The following RAP1GDS1 variants were observed in gnomAD, a reference collection of about 807,000 sequenced individuals.
The protein encoded by RAP1GDS1 is Rap1 GTPase-GDP dissociation stimulator 1, also known as RAP1, GTP-GDP dissociation stimulator 1.
RAP1GDS1 carries 35 observed loss-of-function variants against 71.1 expected under a neutral mutation model. The observed-to-expected ratio is 0.49, with a 90% CI of 0.38 to 0.65. The LOEUF is 0.65. Among genes scored for constraint, RAP1GDS1 ranks in the 30% least tolerant of loss-of-function variants. RAP1GDS1 has a pLI of 0.00. For missense variants in RAP1GDS1, 663 were observed against 706.1 expected (o/e 0.94, Z 0.69); for synonymous variants, 229 against 243.1 (o/e 0.94, Z 0.54).
chr4:98,441,796 G>T, intron 14 of RAP1GDS1, 194 bp from the exon 15 acceptor site: 1 of 562,858 alleles, frequency 1.8e-6, no homozygotes, highest in Admixed American at 6.3e-5. Flanking sequence ...TTAAAAAAAA[G>T]TAAAGTTTTT....
At chr4:98,306,332 G>A (rs576094368) in intron 2 of RAP1GDS1, among the ~76,000 whole-genome samples, 1 of 152,290 alleles carries the variant, frequency 6.6e-6, no homozygotes, top group South Asian at 2.1e-4. Flanking sequence ...CTCATTGATG[G>A]TACCTTTTTG....
chr4:98,289,554 C>A (rs796995031), intron 1 of RAP1GDS1, among the ~76,000 whole-genome samples: 6,832 of 101,964 alleles, frequency 0.067, 1 homozygote, highest in Non-Finnish European at 0.082. Flanking sequence ...CTCTGGTAAA[C>A]AAAAAAAAAA....
At chr4:98,297,020 T>C (rs539875626) in intron 2 of RAP1GDS1, 28 of 163,588 alleles carry the variant, frequency 1.7e-4, no homozygotes, top group African/African-American at 4.7e-4. Flanking sequence ...CTCGTTCTCT[T>C]TTTTTTTTTT....
Position 98,442,581 on chromosome 4 carries a change from T to A in RAP1GDS1, c.*464T>A. ...AAGCACAGTGACCAAAAAAGTTGTATGGCTGCTTATTCATTAGTCTTTCCT... is the reference window on the plus strand; with the variant it reads ...AAGCACAGTGACCAAAAAAGTTGTAAGGCTGCTTATTCATTAGTCTTTCCT... On this transcript the variant is annotated 3_prime_UTR_variant, in exon 15 of 15. Transcript: ENST00000408927. 1 of 228,232 alleles carries A rather than the reference T, an allele frequency of 4.4e-6. No homozygotes were observed. Among genetic ancestry groups the A allele is most frequent in the Admixed American group, 5.7e-5 (1 of 17,630 alleles). The allele number at this position is 228,232 out of a possible 1,614,324, so 14.1% of individuals were successfully genotyped here.
chr4:98,430,949 C>CTAA (rs1750308607), intron 12 of RAP1GDS1, among the ~76,000 whole-genome samples: 1 of 152,208 alleles, frequency 6.6e-6, no homozygotes. Context: ...TGTGCTGATG[C>CTAA]TCTTAGGTAA....
chr4:98,370,122 CTG>C (rs1390351190), intron 4 of RAP1GDS1, among the ~76,000 whole-genome samples: 2 of 152,100 alleles, frequency 1.3e-5, no homozygotes, highest in Non-Finnish European at 2.9e-5. Context: ...CCAAGTAAAA[CTG>C]TGAATTATCT....
intron 2 of RAP1GDS1, among the ~76,000 whole-genome samples, chr4:98,320,760 A>C (rs1348362394): frequency 2.0e-5 from 3 of 150,430 alleles, no homozygotes; most frequent in Non-Finnish European, 4.4e-5. Context: ...CCACACCAAA[A>C]ACCCATCTGT....
intron 1 of RAP1GDS1, among the ~76,000 whole-genome samples, chr4:98,285,703 T>C (rs529162218): frequency 1.3e-5 from 2 of 151,184 alleles, no homozygotes; most frequent in Admixed American, 1.3e-4. Flanking sequence ...TGAATAAAAT[T>C]ATAACTGTCA....
intron 1 of RAP1GDS1, among the ~76,000 whole-genome samples, chr4:98,276,786 T>C (rs974078597): frequency 6.6e-6 from 1 of 152,156 alleles, no homozygotes; most frequent in Non-Finnish European, 1.5e-5. Flanking sequence ...AGTTTTGCCC[T>C]AAGAATGTGG....
intron 7 of RAP1GDS1, among the ~76,000 whole-genome samples, chr4:98,412,651 A>G (rs1275702199): frequency 2.0e-5 from 3 of 152,204 alleles, no homozygotes; most frequent in African/African-American, 4.8e-5. Context: ...AGGTGTATCT[A>G]TTGGGGGAAC....
intron 5 of RAP1GDS1, among the ~76,000 whole-genome samples, chr4:98,386,721 T>A (rs1308649578): frequency 6.6e-6 from 1 of 152,010 alleles, no homozygotes; most frequent in Non-Finnish European, 1.5e-5. Context: ...ATCTAGTTTT[T>A]ATATCCTCAA....
At chr4:98,394,995 C>T (rs1378486602) in intron 6 of RAP1GDS1, among the ~76,000 whole-genome samples, 2 of 152,098 alleles carry the variant, frequency 1.3e-5, no homozygotes, top group African/African-American at 4.8e-5. Flanking sequence ...ATTCAGTGTA[C>T]TCTGATCCTA....
At chr4:98,409,264 C>A (rs1335708762) in intron 7 of RAP1GDS1, 1 of 152,182 alleles carries the variant, frequency 6.6e-6, no homozygotes, top group Non-Finnish European at 1.5e-5. Context: ...TTAGCTGGAA[C>A]TGCCACCTTC....
At chr4:98,292,687 A>G (rs1727148096) in intron 1 of RAP1GDS1, among the ~76,000 whole-genome samples, 1 of 152,192 alleles carries the variant, frequency 6.6e-6, no homozygotes, top group Admixed American at 6.5e-5. Flanking sequence ...CATTTAAGTA[A>G]ATTACTAAAT....
At position 98,400,753 on chromosome 4, in the gene RAP1GDS1, A is replaced by G. The variant is rs1745289162; in HGVS notation, c.638-3724A>G. On this transcript the variant is annotated intron_variant, in intron 6 of 14. Coordinates refer to ENST00000408927, the MANE Select transcript of RAP1GDS1 (RefSeq NM_001100427.2). ...ATGTTTCCAACACAAAGTACTTGAGATGATGAATAAGCTAATTACCCTGAT... is the reference window on the plus strand; with the variant it reads ...ATGTTTCCAACACAAAGTACTTGAGGTGATGAATAAGCTAATTACCCTGAT... 1.3e-5 allele frequency among the ~76,000 whole-genome samples: 2 copies of G among 152,154 alleles called. 1 individual carries two copies. The highest frequency in any genetic ancestry group is 4.1e-4 in the South Asian group (2 of 4,830).
intron 4 of RAP1GDS1, among the ~76,000 whole-genome samples, chr4:98,362,303 G>A (rs2110444412): frequency 6.6e-6 from 1 of 152,210 alleles, no homozygotes; most frequent in Admixed American, 6.5e-5. Flanking sequence ...GTCATAGCAA[G>A]ATCGCATCTC....
At chr4:98,393,250 C>G (rs71612627) in intron 6 of RAP1GDS1, among the ~76,000 whole-genome samples, 3,564 of 152,218 alleles carry the variant, frequency 0.023, 63 homozygotes, top group Non-Finnish European at 0.033. Flanking sequence ...ATTTTGTCTT[C>G]CAAGCAAAGG....
At position 98,343,161 on chromosome 4, in the gene RAP1GDS1, C is replaced by CCTT; in HGVS notation, c.136_137insTTC (p.Ile45_Gln46insLeu). 6.2e-7 allele frequency: 1 copy of CCTT among 1,608,172 alleles called. No homozygotes were observed. The highest frequency in any genetic ancestry group is 8.5e-7 in the Non-Finnish European group (1 of 1,176,464). The stretch of plus-strand genomic sequence containing the variant: ...TAGATACGGAAACAAGTGAAAAAAT[C>CCTT]CAAGCAAGTGGAATACTTCAGCTGT... On this transcript the variant is annotated inframe_insertion, in exon 3 of 15. Coordinates refer to ENST00000408927, the MANE Select transcript of RAP1GDS1 (RefSeq NM_001100427.2).
intron 6 of RAP1GDS1, among the ~76,000 whole-genome samples, chr4:98,394,927 T>C (rs1744296488): frequency 6.6e-6 from 1 of 152,136 alleles, no homozygotes; most frequent in South Asian, 2.1e-4. Context: ...TACATGTTCT[T>C]ATCACCACTT....
Sources: allele counts gnomAD v4.1 joint callset (sites outside exome capture counted in the v4.1 genomes callset), GRCh38; gene constraint gnomAD v4.1.1; transcripts MANE v1.5; gene names NCBI Gene and HGNC (gene_info 2026-07-23, HGNC 2026-07-21).